The following DNAAF4 variants were observed in gnomAD, a reference collection of about 807,000 sequenced individuals.
DNAAF4 encodes dynein assembly factor 4, axonemal.
In DNAAF4, 43 loss-of-function variants were observed where a neutral mutation model predicts 51.8. The observed-to-expected ratio is 0.83, with a 90% CI of 0.65 to 1.07. DNAAF4 has a LOEUF of 1.07. Ranked by LOEUF, DNAAF4 falls within the 50% of genes least tolerant of loss-of-function variation. The pLI is 0.00. For synonymous variants in DNAAF4, 194 were observed against 165.6 expected, an observed-to-expected ratio of 1.17 and a Z score of -1.32; for missense variants, 581 against 493.0, an observed-to-expected ratio of 1.18 and a Z score of -1.69.
chr15:55,456,195 C>T (rs920095039), intron 5 of DNAAF4, among the ~76,000 whole-genome samples: 19 of 151,786 alleles, frequency 1.3e-4, no homozygotes, highest in Non-Finnish European at 2.4e-4. Context: ...ATTCTCCTGC[C>T]TCAGTGCCTC....
At chr15:55,426,322 A>G (rs2057430443), downstream of DNAAF4, among the ~76,000 whole-genome samples, 1 of 152,218 alleles carries the variant, frequency 6.6e-6, no homozygotes, top group Non-Finnish European at 1.5e-5. Flanking sequence ...TCTTGTGGCT[A>G]ATTTCTTAGT....
At chr15:55,462,945 C>T (rs970197630) in intron 5 of DNAAF4, among the ~76,000 whole-genome samples, 36 of 152,132 alleles carry the variant, frequency 2.4e-4, no homozygotes, top group Admixed American at 2.1e-3. Flanking sequence ...CCGAGGCAGA[C>T]GGATCATTTG....
intron 5 of DNAAF4, among the ~76,000 whole-genome samples, chr15:55,457,146 G>T (rs1567015339): frequency 6.6e-6 from 1 of 152,170 alleles, no homozygotes; most frequent in Non-Finnish European, 1.5e-5. Flanking sequence ...CAGTGGCAAG[G>T]CTTATAGTCT....
At chr15:55,478,889 G>T (rs1356559232) in intron 4 of DNAAF4, among the ~76,000 whole-genome samples, 1 of 152,050 alleles carries the variant, frequency 6.6e-6, no homozygotes, top group African/African-American at 2.4e-5. Flanking sequence ...TTTTGGTCAA[G>T]CCCTGAGTAC....
At chr15:55,426,753 A>T (rs1256097856), downstream of DNAAF4, among the ~76,000 whole-genome samples, 1 of 152,180 alleles carries the variant, frequency 6.6e-6, no homozygotes, top group Non-Finnish European at 1.5e-5. Flanking sequence ...CTTCTGATAA[A>T]TCATGAGAGA....
chr15:55,504,562 A>G (rs2141614543), intron 1 of DNAAF4, among the ~76,000 whole-genome samples: 1 of 152,362 alleles, frequency 6.6e-6, no homozygotes, highest in Middle Eastern at 3.4e-3. Flanking sequence ...TGGCACTGGT[A>G]CCAAAAGAGA....
chr15:55,494,457 G>A (rs770622015), intron 3 of DNAAF4, among the ~76,000 whole-genome samples: 26 of 152,090 alleles, frequency 1.7e-4, no homozygotes, highest in Middle Eastern at 3.4e-3. Flanking sequence ...TGTTGCGCAG[G>A]CTGGAGTGCA....
At chr15:55,450,700 A>G (rs1567011969) in intron 5 of DNAAF4, among the ~76,000 whole-genome samples, 2 of 152,170 alleles carry the variant, frequency 1.3e-5, no homozygotes, top group Non-Finnish European at 1.5e-5. Flanking sequence ...TGCCAATACC[A>G]TCTCTATCTC....
chr15:55,431,106 G>A (rs1381561269), intron 9 of DNAAF4, among the ~76,000 whole-genome samples: 1 of 151,834 alleles, frequency 6.6e-6, no homozygotes, highest in African/African-American at 2.4e-5. Context: ...GTAGAGATGG[G>A]GTTTCACCGT....
At chr15:55,417,983 A>G in exon 8 of DNAAF4, 2 of 694,598 alleles carry the variant, frequency 2.9e-6, no homozygotes, top group South Asian at 2.2e-5. Flanking sequence ...TAATGTCATC[A>G]GTTAAGGCAG....
rs747200661 is a variant in DNAAF4 at position 55,446,300 on chromosome 15, G to GC, written c.783+3921_783+3922insG. Among the ~76,000 whole-genome samples, 33 of 104,492 alleles carry GC rather than the reference G, an allele frequency of 3.2e-4. 6 individuals carry two copies. The highest frequency in any genetic ancestry group is 2.7e-3 in the Admixed American group (29 of 10,668). The allele number at this position is 104,492 out of a possible 152,430, so 68.6% of individuals were successfully genotyped here. On this transcript the variant is annotated intron_variant, in intron 6 of 9. Coordinates refer to ENST00000321149, the MANE Select transcript of DNAAF4 (RefSeq NM_130810.4). ...AGGCGCTCCTCACATCCCAGACGGGGGGGGGGGGCAGCTGGGCAGAGGCAC... is the reference window on the plus strand; with the variant it reads ...AGGCGCTCCTCACATCCCAGACGGGGCGGGGGGGGCAGCTGGGCAGAGGCAC...
At chr15:55,439,431 C>T in intron 7 of DNAAF4, 41 bp downstream of exon 7, 1 of 1,522,012 alleles carries the variant, frequency 6.6e-7, no homozygotes, top group Non-Finnish European at 9.1e-7. Context: ...CTAATGTCTT[C>T]ATACATGATA....
At chr15:55,477,903 T>C (rs1365237345) in intron 4 of DNAAF4, among the ~76,000 whole-genome samples, 1 of 84,916 alleles carries the variant, frequency 1.2e-5, no homozygotes, top group East Asian at 1.0e-3. Context: ...CTGTCTCTAC[T>C]GAAAAAAAAA....
chr15:55,469,267 T>C (rs887717239), intron 4 of DNAAF4, among the ~76,000 whole-genome samples: 16 of 150,326 alleles, frequency 1.1e-4, no homozygotes, highest in Admixed American at 6.6e-5. Context: ...GAGGTGGAGG[T>C]TGCAGTGAGC....
rs1595960340 is a variant in DNAAF4, at chr15:55,498,208, T to C, written c.122A>G (p.Lys41Arg). Residue 41 changes from lysine (K) to arginine (R), a missense_variant and splice_region_variant, in exon 2 of 10, where the codon AAG (lysine) becomes AGG (arginine). Lys to Arg is a conservative substitution (Grantham distance 26). Coordinates refer to ENST00000321149, the MANE Select transcript of DNAAF4 (RefSeq NM_130810.4). ...TDVFCTENYLKVNFPPFLFEA... is the reference protein window; with the variant it reads ...TDVFCTENYLRVNFPPFLFEA... ...GGCAGGCAAGACTTGCATTCTTACCTTCAGATAGTTTTCCGTGCAGAACAC... is the reference window on the plus strand; with the variant it reads ...GGCAGGCAAGACTTGCATTCTTACCCTCAGATAGTTTTCCGTGCAGAACAC... 6.2e-7 allele frequency: 1 copy of C among 1,613,896 alleles called. No individual in the cohort carries two copies. The highest frequency in any genetic ancestry group is 8.5e-7 in the Non-Finnish European group (1 of 1,179,918).
intron 7 of DNAAF4, chr15:55,418,729 T>G: frequency 3.7e-6 from 2 of 535,288 alleles, no homozygotes; most frequent in South Asian, 3.5e-5. Context: ...GACAGTGACT[T>G]TTTAAATGAA....
At chr15:55,478,211 C>T (rs1391996470) in intron 4 of DNAAF4, among the ~76,000 whole-genome samples, 1 of 152,220 alleles carries the variant, frequency 6.6e-6, no homozygotes, top group East Asian at 1.9e-4. Flanking sequence ...GAAAGCCCTC[C>T]ACTAGGACAA....
intron 6 of DNAAF4, among the ~76,000 whole-genome samples, chr15:55,445,885 C>CAG (rs2057795068): frequency 1.9e-5 from 2 of 107,976 alleles, no homozygotes; most frequent in East Asian, 3.1e-4. Flanking sequence ...TTCCCAGATG[C>CAG]GGCAGCCAGG....
Position 55,467,171 on chromosome 15 carries a change from T to C in DNAAF4, c.406-10A>G, listed in dbSNP as rs760805307. The C allele has an allele frequency of 5.3e-6, 8 of 1,509,802 alleles. No homozygotes were observed. The highest frequency in any genetic ancestry group is 4.7e-5 in the Admixed American group (2 of 42,468). 93.5% of individuals were successfully genotyped at this position (1,509,802 alleles called of 1,614,324 possible). A position where few individuals can be genotyped will look rare whatever the true frequency, so the allele number is the denominator to read the frequency against. On this transcript the variant is annotated splice_polypyrimidine_tract_variant and intron_variant, in intron 4 of 9. Coordinates refer to ENST00000321149, the MANE Select transcript of DNAAF4 (RefSeq NM_130810.4). Reference sequence around the variant, plus strand: ...TCTCTTCTTCTTCAATCTATAACAATTGCAATTACCAAATTCTTTAAAATA... The same window carrying C: ...TCTCTTCTTCTTCAATCTATAACAACTGCAATTACCAAATTCTTTAAAATA...
Sources: allele counts gnomAD v4.1 joint callset (sites outside exome capture counted in the v4.1 genomes callset), GRCh38; gene constraint gnomAD v4.1.1; transcripts MANE v1.5; gene names NCBI Gene and HGNC (gene_info 2026-07-23, HGNC 2026-07-21).